Variants in ZNF778 observed in about 807,000 individuals in gnomAD.
The protein encoded by ZNF778 is zinc finger protein 778.
In ZNF778, 37 loss-of-function variants were observed where a neutral mutation model predicts 23.9. That is an observed-to-expected ratio of 1.54 (90% CI 1.19 to 2.03). ZNF778 has a LOEUF of 2.03. Ranked by LOEUF, ZNF778 falls within the 30% of genes most tolerant of loss-of-function variation. ZNF778 has a pLI of 0.00. For missense variants in ZNF778, 1,297 were observed against 934.4 expected (o/e 1.39, Z -5.06); for synonymous variants, 483 against 343.9 (o/e 1.40, Z -4.48).
In ZNF778 at chr16:89,232,126, G is replaced by A. The variant is rs974380344; in HGVS notation, c.*3564G>A. ...TGGCAGTGCTGGGAGGGGGCCTGGTGGGGGTTTGGGTCATGGGGGCACCCT... is the reference window on the plus strand; with the variant it reads ...TGGCAGTGCTGGGAGGGGGCCTGGTAGGGGTTTGGGTCATGGGGGCACCCT... On this transcript the variant is annotated 3_prime_UTR_variant, in exon 7 of 7. Coordinates refer to ENST00000433976, the MANE Select transcript of ZNF778 (RefSeq NM_001201407.2). 1.9e-5 allele frequency: 3 copies of A among 158,430 alleles called. No homozygotes were observed. The highest frequency in any genetic ancestry group is 4.2e-5 in the Non-Finnish European group (3 of 71,346). The allele number at this position is 158,430 out of a possible 1,614,324, so 9.8% of individuals were successfully genotyped here.
intron 1 of ZNF778, among the ~76,000 whole-genome samples, chr16:89,219,259 C>G (rs1057085470): frequency 3.9e-5 from 6 of 152,216 alleles, no homozygotes; most frequent in African/African-American, 1.2e-4. Context: ...TCGTTTATGT[C>G]TTTTCACCTA....
rs891197877 is a variant in ZNF778 at position 89,233,686 on chromosome 16, A to G, written c.*5124A>G. On this transcript the variant is annotated 3_prime_UTR_variant, in exon 7 of 7. Transcript: ENST00000433976. ...CAACTCGCACTGCGTATGCAAATCA[A>G]CTTACTGCATATGCAACTCAACTCA... The G allele has an allele frequency of 8.6e-6, 11 of 1,277,904 alleles. No homozygotes were observed. Among genetic ancestry groups the G allele is most frequent in the African/African-American group, 3.3e-5 (2 of 60,584 alleles). 79.2% of individuals were successfully genotyped at this position (1,277,904 alleles called of 1,614,324 possible). A position where few individuals can be genotyped will look rare whatever the true frequency, so the allele number is the denominator to read the frequency against.
chr16:89,236,318 GA>G lies in ZNF778; in HGVS notation c.*7758del, dbSNP rs1427835240. The G allele has an allele frequency of 6.6e-6, 1 of 152,204 alleles. No individual in the cohort carries two copies. The highest frequency in any genetic ancestry group is 1.5e-5 in the Non-Finnish European group (1 of 68,044). The allele number at this position is 152,204 out of a possible 1,614,324, so 9.4% of individuals were successfully genotyped here. A position where few individuals can be genotyped will look rare whatever the true frequency, so the allele number is the denominator to read the frequency against. ...ATTCAATTGACCGGGTTTCTCGTCG[GA>G]AGCCATAGAGGCCAACAGGAAATGT... On this transcript the variant is annotated 3_prime_UTR_variant, in exon 7 of 7. Transcript: ENST00000433976.
intron 6 of ZNF778, among the ~76,000 whole-genome samples, chr16:89,226,018 T>G (rs895016217): frequency 2.0e-5 from 3 of 152,098 alleles, no homozygotes; most frequent in Admixed American, 6.6e-5. Context: ...TTCAAGTGAT[T>G]GTCCTGCCTC....
At position 89,222,140 on chromosome 16, in the gene ZNF778, A is replaced by G. The variant is rs201528958; in HGVS notation, c.74A>G (p.Gln25Arg). The change falls in exon 3 of 7, where the codon CAG (glutamine) becomes CGG (arginine). Residue 25 changes from glutamine to arginine, a missense_variant. Gln to Arg is a conservative substitution (Grantham distance 43). Coordinates refer to ENST00000433976, the MANE Select transcript of ZNF778 (RefSeq NM_001201407.2). ...GTCTGCCTTCATGAAGAACAGACAC[A>G]GGCAGCAGGGATGGTGGCTGGCTGG... Reference protein sequence around the residue: ...DSVCLHEEQTQAAGMVAGWLI... With the variant: ...DSVCLHEEQTRAAGMVAGWLI... 1,904 of 1,606,398 alleles carry G rather than the reference A, an allele frequency of 1.2e-3. 10 individuals are homozygous for G. In the Middle Eastern group the frequency reaches 0.012, roughly 10 times the overall value.
intron 4 of ZNF778, among the ~76,000 whole-genome samples, chr16:89,224,345 G>T (rs1038192041): frequency 9.8e-5 from 15 of 152,312 alleles, no homozygotes; most frequent in Non-Finnish European, 4.4e-5. Context: ...GACGCCAGAC[G>T]CAGTGGCTCA....
chr16:89,224,331 C>G (rs1233259078), intron 4 of ZNF778, among the ~76,000 whole-genome samples: 1 of 152,078 alleles, frequency 6.6e-6, no homozygotes, highest in East Asian at 1.9e-4. Context: ...TCCGAGCACT[C>G]TGGGACGCCA....
chr16:89,218,917 G>A (rs913649207), intron 1 of ZNF778, among the ~76,000 whole-genome samples: 5 of 152,178 alleles, frequency 3.3e-5, no homozygotes, highest in Non-Finnish European at 1.5e-5. Context: ...AGACCAGCCT[G>A]ACTAACATGG....
At position 89,228,941 on chromosome 16, in the gene ZNF778, A is replaced by G; in HGVS notation, c.*379A>G. On this transcript the variant is annotated 3_prime_UTR_variant, in exon 7 of 7. Transcript: ENST00000433976. ...TTACATCTTTCCTCACCCTTTAGTA[A>G]ACGTGGTGATTGACACTTGAAGTGT... The G allele has an allele frequency of 9.9e-7, 1 of 1,006,320 alleles. No homozygotes were observed. Among genetic ancestry groups the G allele is most frequent in the South Asian group, 4.3e-5 (1 of 23,040 alleles). 62.3% of individuals were successfully genotyped at this position (1,006,320 alleles called of 1,614,324 possible). A position where few individuals can be genotyped will look rare whatever the true frequency, so the allele number is the denominator to read the frequency against.
intron 1 of ZNF778, among the ~76,000 whole-genome samples, chr16:89,219,519 C>A (rs1051822775): frequency 6.6e-6 from 1 of 152,178 alleles, no homozygotes; most frequent in African/African-American, 2.4e-5. Context: ...GTTCCAAGCC[C>A]CAGCCTATTT....
chr16:89,225,206 C>G (rs2031367922), intron 5 of ZNF778, among the ~76,000 whole-genome samples: 1 of 143,780 alleles, frequency 7.0e-6, no homozygotes, highest in Non-Finnish European at 1.5e-5. Context: ...AACTCTGCCT[C>G]CTGGGTTCAC....
rs1032184721 is a variant in ZNF778 at position 89,230,211 on chromosome 16, A to G, written c.*1649A>G. 2.9e-5 allele frequency: 10 copies of G among 345,756 alleles called. No homozygotes were observed. Among genetic ancestry groups the G allele is most frequent in the Non-Finnish European group, 4.1e-5 (10 of 245,590 alleles). 21.4% of individuals were successfully genotyped at this position (345,756 alleles called of 1,614,324 possible). The stretch of plus-strand genomic sequence containing the variant: ...CCCTTCAGATAAAACACCAGGGTGC[A>G]AGGAGGGGCAGAGTGGAGAGGGGCG... On this transcript the variant is annotated 3_prime_UTR_variant, in exon 7 of 7. Transcript: ENST00000433976.
rs1414299541 is a variant in ZNF778, at chr16:89,228,050, C to A, written c.1762C>A (p.Pro588Thr). 6.3e-7 allele frequency: 1 copy of A among 1,589,324 alleles called. No homozygotes were observed. The highest frequency in any genetic ancestry group is 1.3e-5 in the African/African-American group (1 of 74,424). ...CATTCAGATTCACACTGGAATAAAA[C>A]CTTATGAATGTAAGGACTGTGGGAA... Reference protein sequence around the residue: ...KHIQIHTGIKPYECKDCGKTF... With the variant: ...KHIQIHTGIKTYECKDCGKTF... Residue 588 changes from proline (P) to threonine (T), a missense_variant, in exon 7 of 7, where the codon CCT (proline) becomes ACT (threonine). Physicochemically the swap from Pro to Thr is conservative, Grantham distance 38 (BLOSUM62 -1). Transcript: ENST00000433976.
At position 89,228,586 on chromosome 16, in the gene ZNF778, C is replaced by G. The variant is rs370170879; in HGVS notation, c.*24C>G. ...AATGTAAAGAATGTGGGGAAGCTGT[C>G]AGCTACACTCATTCACGTTGAAGAC... On this transcript the variant is annotated 3_prime_UTR_variant, in exon 7 of 7. Coordinates refer to ENST00000433976, the MANE Select transcript of ZNF778 (RefSeq NM_001201407.2). 1 of 1,543,358 alleles carries G rather than the reference C, an allele frequency of 6.5e-7. No homozygotes were observed. Among genetic ancestry groups the G allele is most frequent in the Non-Finnish European group, 8.7e-7 (1 of 1,151,226 alleles).
rs1231373148 is a variant in ZNF778, at chr16:89,235,317, G to A, written c.*6755G>A. The A allele has an allele frequency of 1.3e-5, 2 of 152,174 alleles. No individual in the cohort carries two copies. The highest frequency in any genetic ancestry group is 4.8e-5 in the African/African-American group (2 of 41,436). 9.4% of individuals were successfully genotyped at this position (152,174 alleles called of 1,614,324 possible). On this transcript the variant is annotated 3_prime_UTR_variant, in exon 7 of 7. Transcript: ENST00000433976. ...GGAAACAGGTGTCCTAACACTGTGAGAGAAAAAATCCGAAAGTTTAGTTTT... is the reference window on the plus strand; with the variant it reads ...GGAAACAGGTGTCCTAACACTGTGAAAGAAAAAATCCGAAAGTTTAGTTTT...
rs997597241 is a variant in ZNF778 at position 89,231,573 on chromosome 16, C to G, written c.*3011C>G. On this transcript the variant is annotated 3_prime_UTR_variant, in exon 7 of 7. Transcript: ENST00000433976. ...CCCATGGACTGGGGTTCCTAAGGCA[C>G]AAATTTGATATTTGAGATTCTGTGA... 20 of 152,188 alleles carry G rather than the reference C, an allele frequency of 1.3e-4. No individual in the cohort carries two copies. Among genetic ancestry groups the G allele is most frequent in the African/African-American group, 4.8e-4 (20 of 41,444 alleles). 9.4% of individuals were successfully genotyped at this position (152,188 alleles called of 1,614,324 possible). A position where few individuals can be genotyped will look rare whatever the true frequency, so the allele number is the denominator to read the frequency against.
At chr16:89,226,331 G>C (rs2031470851) in intron 6 of ZNF778, among the ~76,000 whole-genome samples, 1 of 151,278 alleles carries the variant, frequency 6.6e-6, no homozygotes. Flanking sequence ...TCAGCCTCCT[G>C]AGTAGCTGGG....
Position 89,228,538 on chromosome 16 carries a change from T to G in ZNF778, c.2250T>G (p.Ile750Met). 1 of 1,592,796 alleles carries G rather than the reference T, an allele frequency of 6.3e-7. No individual in the cohort carries two copies. Among genetic ancestry groups the G allele is most frequent in the Non-Finnish European group, 8.5e-7 (1 of 1,171,950 alleles). ...CATGCCTTAACCATCACACTCAAAT[T>G]CACACTGATGAGAAACCTTTCTAAT... ...NSSCLNHHTQ[I>M]HTDEKPF The change falls in exon 7 of 7, where the codon ATT (isoleucine) becomes ATG (methionine). Residue 750 changes from isoleucine to methionine, a missense_variant. Physicochemically the swap from Ile to Met is conservative, Grantham distance 10. Coordinates refer to ENST00000433976, the MANE Select transcript of ZNF778 (RefSeq NM_001201407.2).
rs370238973 is a variant in ZNF778, at chr16:89,227,861, C to G, written c.1573C>G (p.Arg525Gly). 3 of 1,613,944 alleles carry G rather than the reference C, an allele frequency of 1.9e-6. No homozygotes were observed. The highest frequency in any genetic ancestry group is 2.5e-6 in the Non-Finnish European group (3 of 1,179,988). The change falls in exon 7 of 7, where the codon CGG becomes GGG. Residue 525 changes from arginine (R) to glycine (G), a missense_variant. By Grantham distance (125) the Arg-to-Gly change is moderately radical. Transcript: ENST00000433976. Reference sequence around the variant, plus strand: ...GCGCTCAGGCCTCACTAAACACATGCGGACACACACCGGGGAGAAGCCCTA... The same window carrying G: ...GCGCTCAGGCCTCACTAAACACATGGGGACACACACCGGGGAGAAGCCCTA... ...TGRSGLTKHM[R>G]THTGEKPYEC...
Sources: allele counts gnomAD v4.1 joint callset (sites outside exome capture counted in the v4.1 genomes callset), GRCh38; gene constraint gnomAD v4.1.1; transcripts MANE v1.5; gene names NCBI Gene and HGNC (gene_info 2026-07-23, HGNC 2026-07-21).